MTF1: variants seen among roughly 807,000 people sequenced by gnomAD.
MTF1 encodes metal regulatory transcription factor 1.
In MTF1, 22 loss-of-function variants were observed where a neutral mutation model predicts 70.4. The ratio of observed to expected loss-of-function variants is 0.31; its 90% CI spans 0.22 to 0.45. The LOEUF is 0.45. Among genes scored for constraint, MTF1 ranks in the 20% least tolerant of loss-of-function variants. The pLI is 1.00. For synonymous variants in MTF1, 333 were observed against 352.8 expected, an observed-to-expected ratio of 0.94 and a Z score of 0.63; for missense variants, 649 against 922.0, an observed-to-expected ratio of 0.70 and a Z score of 3.83.
At chr1:37,819,026 G>A (rs1211687753) in intron 9 of MTF1, among the ~76,000 whole-genome samples, 9 of 151,582 alleles carry the variant, frequency 5.9e-5, no homozygotes, top group Non-Finnish European at 8.8e-5. Flanking sequence ...AGGAAGAGAG[G>A]CCCGAGCTAG....
chr1:37,832,001 A>G (rs1470085334), intron 7 of MTF1, among the ~76,000 whole-genome samples: 1 of 152,216 alleles, frequency 6.6e-6, no homozygotes, highest in Non-Finnish European at 1.5e-5. Flanking sequence ...AAATGAGTAA[A>G]AAAAAGAAAT....
At position 37,835,749 on chromosome 1, in the gene MTF1, A is replaced by C; in HGVS notation, c.780-5T>G. The C allele has an allele frequency of 6.2e-7, 1 of 1,613,518 alleles. No homozygotes were observed. The highest frequency in any genetic ancestry group is 8.5e-7 in the Non-Finnish European group (1 of 1,179,562). On this transcript the variant is annotated splice_polypyrimidine_tract_variant and splice_region_variant and intron_variant, in intron 4 of 10. Coordinates refer to ENST00000373036, the MANE Select transcript of MTF1 (RefSeq NM_005955.3). ...CCACAGCCATCGTGATCGCACCTAA[A>C]TTTGTTAAGGAAAGAGAAACAGGAG...
intron 4 of MTF1, 36 bp from the exon 5 acceptor site, chr1:37,835,780 A>T: frequency 6.6e-7 from 1 of 1,522,338 alleles, no homozygotes; most frequent in Non-Finnish European, 9.1e-7. Context: ...AGGAGTCATT[A>T]GCTAATAGAT....
chr1:37,835,294 G>A (rs1268593235), intron 5 of MTF1, 79 bp from the exon 6 acceptor site: 1 of 1,227,800 alleles, frequency 8.1e-7, no homozygotes, highest in Non-Finnish European at 1.2e-6. Flanking sequence ...CCCTAATAGA[G>A]GTAAGTAAGT....
chr1:37,821,730 C>T (rs551294461), intron 9 of MTF1, among the ~76,000 whole-genome samples: 4 of 152,284 alleles, frequency 2.6e-5, no homozygotes, highest in East Asian at 3.9e-4. Flanking sequence ...CACTGCTGTC[C>T]GGTGCCATCT....
At chr1:37,827,336 GTTATTATTA>G (rs71573764) in intron 7 of MTF1, among the ~76,000 whole-genome samples, 13,760 of 144,040 alleles carry the variant, frequency 0.096, 828 homozygotes, top group Middle Eastern at 0.24. Flanking sequence ...CCTCATAGTT[GTTATTATTA>G]TTATTATTAT....
At position 37,840,695 on chromosome 1, in the gene MTF1, G is replaced by C. The variant is rs1408844598; in HGVS notation, c.409-537C>G. 1.3e-5 allele frequency among the ~76,000 whole-genome samples: 2 copies of C among 152,032 alleles called. No individual in the cohort carries two copies. Among genetic ancestry groups the C allele is most frequent in the African/African-American group, 2.4e-5 (1 of 41,398 alleles). ...AATTTCTTGGAAGATTTGGTGATGT[G>C]ATAATTCTCAAACTGCCAGCCTCTT... On this transcript the variant is annotated intron_variant, in intron 2 of 10. Transcript: ENST00000373036. This position sits in a 1 kb window ranked among gnomAD's most constrained non-coding sequence, Gnocchi z 4.5.
In MTF1 at chr1:37,811,546, AC is replaced by A. The variant is rs1390149369; in HGVS notation, c.*3589del. Reference sequence around the variant, plus strand: ...CAGCAATCGGGTTAAAGATAAAATAACCTAAAGTGCTTTTTTATTTTATTAT... The same window carrying A: ...CAGCAATCGGGTTAAAGATAAAATAACTAAAGTGCTTTTTTATTTTATTAT... On this transcript the variant is annotated 3_prime_UTR_variant, in exon 11 of 11. Transcript: ENST00000373036. The A allele has an allele frequency of 6.6e-6, 1 of 152,478 alleles. No individual in the cohort carries two copies. Among genetic ancestry groups the A allele is most frequent in the Admixed American group, 6.5e-5 (1 of 15,288 alleles). 9.4% of individuals were successfully genotyped at this position (152,478 alleles called of 1,614,324 possible).
chr1:37,822,712 G>A lies in MTF1; in HGVS notation c.1176C>T (p.Ser392=). 1.2e-6 allele frequency: 2 copies of A among 1,604,696 alleles called. No homozygotes were observed. Among genetic ancestry groups the A allele is most frequent in the South Asian group, 2.2e-5 (2 of 90,962 alleles). ...CATCACCATTAAAACTTTCAGTCAAGGAAGCTGGCAAGAAAAAGAAATAGA... is the reference window on the plus strand; with the variant it reads ...CATCACCATTAAAACTTTCAGTCAAAGAAGCTGGCAAGAAAAAGAAATAGA... ...AIQEDPQQTA[S]LTESFNGDAE... is the part of the protein sequence containing the mutation. Residue 392 remains serine, a synonymous_variant, in exon 9 of 11, where the codon TCC becomes TCT. Transcript: ENST00000373036.
chr1:37,836,669 G>C (rs1641174820), intron 4 of MTF1, among the ~76,000 whole-genome samples: 1 of 152,152 alleles, frequency 6.6e-6, no homozygotes, highest in South Asian at 2.1e-4. Flanking sequence ...AACTACTTGA[G>C]TACAGGATCC....
At chr1:37,843,226 C>A (rs1464244105) in intron 2 of MTF1, among the ~76,000 whole-genome samples, 5 of 152,064 alleles carry the variant, frequency 3.3e-5, no homozygotes, top group Non-Finnish European at 5.9e-5. Context: ...GTCTGGAACT[C>A]CTGGCCCCAA....
rs144376011 is a variant in MTF1 at position 37,822,471 on chromosome 1, G to A, written c.1417C>T (p.Pro473Ser). The change falls in exon 9 of 11, where the codon CCC becomes TCC. Residue 473 changes from proline (P) to serine (S), a missense_variant. Around this residue, in one of 7 missense-constraint regions of MTF1, gnomAD observed 267 missense variants for 292.1 expected, o/e 0.91. Transcript: ENST00000373036. ...ALLQPPEVPVPHSTQFAANHQ... is the reference protein window; with the variant it reads ...ALLQPPEVPVSHSTQFAANHQ... ...TTAGCAGCAAACTGTGTGCTGTGGG[G>A]AACAGGCACTTCTGGAGGTTGTAAG... is the stretch of plus-strand genomic sequence containing the variant. 12 of 1,613,964 alleles carry A rather than the reference G, an allele frequency of 7.4e-6. No individual in the cohort carries two copies. The highest frequency in any genetic ancestry group is 1.7e-6 in the Non-Finnish European group (2 of 1,180,014).
intron 2 of MTF1, among the ~76,000 whole-genome samples, chr1:37,855,360 T>C (rs772515525): frequency 8.6e-5 from 13 of 151,924 alleles, no homozygotes; most frequent in Non-Finnish European, 1.8e-4. Flanking sequence ...ATGTATTGGG[T>C]TGGGGTATGA....
At position 37,813,945 on chromosome 1, in the gene MTF1, A is replaced by T. The variant is rs1351481653; in HGVS notation, c.*1191T>A. On this transcript the variant is annotated 3_prime_UTR_variant, in exon 11 of 11. Coordinates refer to ENST00000373036, the MANE Select transcript of MTF1 (RefSeq NM_005955.3). Reference sequence around the variant, plus strand: ...TTTCAGGCTTTTTGGTGGAAAGGGAATTTTTTTGTTTTGCTATACCCTGAG... The same window carrying T: ...TTTCAGGCTTTTTGGTGGAAAGGGATTTTTTTTGTTTTGCTATACCCTGAG... 2.6e-5 allele frequency: 4 copies of T among 152,160 alleles called. No homozygotes were observed. Among genetic ancestry groups the T allele is most frequent in the Non-Finnish European group, 2.9e-5 (2 of 67,894 alleles). 9.4% of individuals were successfully genotyped at this position (152,160 alleles called of 1,614,324 possible). A position where few individuals can be genotyped will look rare whatever the true frequency, so the allele number is the denominator to read the frequency against.
intron 7 of MTF1, among the ~76,000 whole-genome samples, chr1:37,829,771 C>T (rs764546182): frequency 2.1e-4 from 31 of 149,302 alleles, no homozygotes; most frequent in Non-Finnish European, 3.4e-4. Flanking sequence ...GGCGACAGAG[C>T]GAGACTCTGT....
At chr1:37,828,116 T>G (rs935486475) in intron 7 of MTF1, 35 of 381,866 alleles carry the variant, frequency 9.2e-5, no homozygotes, top group African/African-American at 6.7e-4. Context: ...TTAAACATAA[T>G]GTTATGAGAA....
At chr1:37,826,277 G>C (rs1640999533) in intron 7 of MTF1, among the ~76,000 whole-genome samples, 1 of 152,074 alleles carries the variant, frequency 6.6e-6, no homozygotes, top group African/African-American at 2.4e-5. Flanking sequence ...CCAAAAGGGA[G>C]CAATTCTTCT....
chr1:37,839,015 G>C (rs567620275), intron 3 of MTF1, among the ~76,000 whole-genome samples: 32 of 151,768 alleles, frequency 2.1e-4, no homozygotes, highest in African/African-American at 6.8e-4. Flanking sequence ...GGTTGGCCAG[G>C]CTGGTCTCGA....
Position 37,840,557 on chromosome 1 carries a change from T to C in MTF1, c.409-399A>G. On this transcript the variant is annotated intron_variant, in intron 2 of 10. Transcript: ENST00000373036. This position sits in a 1 kb window ranked among gnomAD's most constrained non-coding sequence, Gnocchi z 4.5. ...TACAACTTGATTGGAATTACCAATA[T>C]TAAATTGAGTTTAAAACATCTGGAA... 2 of 449,458 alleles carry C rather than the reference T, an allele frequency of 4.4e-6. No individual in the cohort carries two copies. Among genetic ancestry groups the C allele is most frequent in the Non-Finnish European group, 8.8e-6 (2 of 226,560 alleles). The allele number at this position is 449,458 out of a possible 1,614,324, so 27.8% of individuals were successfully genotyped here.
Sources: allele counts gnomAD v4.1 joint callset (sites outside exome capture counted in the v4.1 genomes callset), GRCh38; gene constraint gnomAD v4.1.1; regional missense constraint gnomAD v4.1.1; non-coding constraint Gnocchi (gnomAD v3.1); transcripts MANE v1.5; gene names NCBI Gene and HGNC (gene_info 2026-07-23, HGNC 2026-07-21).